PLB1: variants seen among roughly 807,000 people sequenced by gnomAD.
PLB1 encodes phospholipase B1, membrane-associated.
In PLB1, 242 loss-of-function variants were observed where a neutral mutation model predicts 227.4. The ratio of observed to expected loss-of-function variants is 1.06; its 90% CI spans 0.96 to 1.18. The LOEUF is 1.18. PLB1 is among the 50% of genes most tolerant of loss of function. The pLI is 0.00. For synonymous variants in PLB1, 757 were observed against 682.2 expected (o/e 1.11, Z -1.71); for missense variants, 1,858 against 1,816.3 (o/e 1.02, Z -0.42).
chr2:28,534,746 C>T (rs917726528), intron 9 of PLB1, among the ~76,000 whole-genome samples: 4 of 151,840 alleles, frequency 2.6e-5, no homozygotes, highest in Admixed American at 6.6e-5. Context: ...CCCAGCTACT[C>T]GGGAGGCTGA....
intron 53 of PLB1, among the ~76,000 whole-genome samples, chr2:28,630,022 C>T (rs1346657858): frequency 3.3e-5 from 5 of 152,194 alleles, no homozygotes; most frequent in Non-Finnish European, 5.9e-5. Flanking sequence ...GGAACGGCTC[C>T]TCCAGAGTCT....
At chr2:28,555,010 C>T (rs1486993838) in intron 17 of PLB1, among the ~76,000 whole-genome samples, 1 of 152,080 alleles carries the variant, frequency 6.6e-6, no homozygotes, top group African/African-American at 2.4e-5. Flanking sequence ...TCGCTCTCCA[C>T]CTGGAATCAG....
chr2:28,538,850 G>A (rs962547384), intron 10 of PLB1, among the ~76,000 whole-genome samples: 3 of 152,182 alleles, frequency 2.0e-5, no homozygotes, highest in Non-Finnish European at 4.4e-5. Context: ...CCTCCCCTGT[G>A]GACACTGGTG....
Position 28,598,642 on chromosome 2 carries a change from T to C in PLB1, c.2366-10T>C. 6.2e-7 allele frequency: 1 copy of C among 1,608,386 alleles called. No homozygotes were observed. The highest frequency in any genetic ancestry group is 8.5e-7 in the Non-Finnish European group (1 of 1,174,770). The stretch of plus-strand genomic sequence containing the variant: ...TGAGCCGTCTGCATCCCATTCACCT[T>C]CTCTTCCAGATATCCTTCGGGAGTT... On this transcript the variant is annotated splice_polypyrimidine_tract_variant and intron_variant, in intron 34 of 57. Coordinates refer to ENST00000327757, the MANE Select transcript of PLB1 (RefSeq NM_153021.5).
chr2:28,593,648 A>G, intron 32 of PLB1, 33 bp from the exon 33 acceptor site: 12 of 1,601,090 alleles, frequency 7.5e-6, no homozygotes, highest in Non-Finnish European at 1.0e-5. Context: ...CTGACTTGCT[A>G]ATTTTCCTAT....
rs1686901899 is a variant in PLB1 at position 28,620,600 on chromosome 2, C to T, written c.3384C>T (p.Ser1128=). The change falls in exon 48 of 58, where the codon AGC becomes AGT. Residue 1128 remains serine (S), a splice_region_variant and synonymous_variant. Coordinates refer to ENST00000327757, the MANE Select transcript of PLB1 (RefSeq NM_153021.5). ...AACAAATATGCTTTCTCCTCCCCAGCATTGGAGGGGATGGGAACTTGGAGA... is the reference window on the plus strand; with the variant it reads ...AACAAATATGCTTTCTCCTCCCCAGTATTGGAGGGGATGGGAACTTGGAGA... ...LPTSWRGLSW[S]IGGDGNLETH... The T allele has an allele frequency of 1.9e-6, 3 of 1,613,288 alleles. No individual in the cohort carries two copies. The highest frequency in any genetic ancestry group is 2.5e-6 in the Non-Finnish European group (3 of 1,179,726).
At chr2:28,590,633 C>T (rs1681744437) in intron 29 of PLB1, among the ~76,000 whole-genome samples, 1 of 152,090 alleles carries the variant, frequency 6.6e-6, no homozygotes, top group African/African-American at 2.4e-5. Flanking sequence ...AAGAATCCCT[C>T]TGTATACCCA....
rs1206765491 is a variant in PLB1, at chr2:28,636,035, G to A, written c.4098+2996G>A. On this transcript the variant is annotated intron_variant, in intron 56 of 57. Coordinates refer to ENST00000327757, the MANE Select transcript of PLB1 (RefSeq NM_153021.5). ...TATGTATGAATGTGTGTGTATGTGT[G>A]TGTGTGTATGTATGTGTATGTGTGT... Among the ~76,000 whole-genome samples, 296 of 151,520 alleles carry A rather than the reference G, an allele frequency of 2.0e-3. 1 individual carries two copies. The highest frequency in any genetic ancestry group is 6.0e-3 in the Admixed American group (91 of 15,192).
At chr2:28,507,165 C>T (rs897810607) in intron 1 of PLB1, among the ~76,000 whole-genome samples, 41 of 152,280 alleles carry the variant, frequency 2.7e-4, no homozygotes, top group African/African-American at 9.4e-4. Context: ...AACCTGCCAT[C>T]GTCAAGGTCT....
At chr2:28,581,350 T>A (rs950392431) in intron 23 of PLB1, among the ~76,000 whole-genome samples, 1 of 151,740 alleles carries the variant, frequency 6.6e-6, no homozygotes, top group African/African-American at 2.4e-5. Flanking sequence ...GATCGGGCCA[T>A]AGGACAGAGG....
chr2:28,581,636 A>G (rs1468281772), intron 23 of PLB1, among the ~76,000 whole-genome samples: 1 of 152,102 alleles, frequency 6.6e-6, no homozygotes, highest in African/African-American at 2.4e-5. Flanking sequence ...AAAGACAAAC[A>G]CTATTTCAAT....
intron 35 of PLB1, among the ~76,000 whole-genome samples, chr2:28,599,969 A>G (rs968725329): frequency 2.6e-5 from 4 of 152,176 alleles, no homozygotes; most frequent in African/African-American, 9.6e-5. Context: ...GTGCTATGGC[A>G]TGATCTCAGT....
At chr2:28,499,778 G>A (rs892111270) in intron 1 of PLB1, among the ~76,000 whole-genome samples, 1 of 152,122 alleles carries the variant, frequency 6.6e-6, no homozygotes, top group Non-Finnish European at 1.5e-5. Context: ...CCAGCTGTTC[G>A]GGAGGTTGAG....
At position 28,550,022 on chromosome 2, in the gene PLB1, C is replaced by G; in HGVS notation, c.1021C>G (p.Leu341Val). Residue 341 changes from leucine (L) to valine (V), a missense_variant, in exon 16 of 58, where the codon CTG (leucine) becomes GTG (valine). Physicochemically the swap from Leu to Val is conservative, Grantham distance 32. Transcript: ENST00000327757. ...CCTTTCCCTGCAGGAGAGCCCCTAT[C>G]TGTTCAGCTACAGAAACAGCAACTA... ...MKCPSQESPY[L>V]FSYRNSNYLT... 1.2e-6 allele frequency: 2 copies of G among 1,613,186 alleles called. No individual in the cohort carries two copies. Among genetic ancestry groups the G allele is most frequent in the Non-Finnish European group, 1.7e-6 (2 of 1,179,254 alleles).
intron 30 of PLB1, 116 bp downstream of exon 30, chr2:28,591,287 A>T: frequency 7.7e-7 from 1 of 1,291,808 alleles, no homozygotes; most frequent in African/African-American, 1.5e-5. Flanking sequence ...GATGGGCATA[A>T]AGGCCACCCA....
At chr2:28,593,103 A>T (rs902386308) in intron 32 of PLB1, among the ~76,000 whole-genome samples, 38 of 152,174 alleles carry the variant, frequency 2.5e-4, no homozygotes, top group African/African-American at 9.2e-4. Context: ...TTGCATCTGC[A>T]TGGAAAGCAG....
intron 14 of PLB1, among the ~76,000 whole-genome samples, chr2:28,544,347 G>A (rs2148212935): frequency 6.6e-6 from 1 of 152,306 alleles, no homozygotes; most frequent in African/African-American, 2.4e-5. Flanking sequence ...CCTCCAGCAG[G>A]GACTGCTCTC....
At chr2:28,632,601 A>T (rs1421160080) in intron 55 of PLB1, among the ~76,000 whole-genome samples, 2 of 152,048 alleles carry the variant, frequency 1.3e-5, no homozygotes, top group African/African-American at 4.8e-5. Flanking sequence ...AGCCTGGCCA[A>T]CATGGTGAAA....
chr2:28,499,876 C>A (rs1437216343), intron 1 of PLB1, among the ~76,000 whole-genome samples: 2 of 152,002 alleles, frequency 1.3e-5, no homozygotes, highest in Non-Finnish European at 2.9e-5. Flanking sequence ...CAGAGCCAGA[C>A]TCTGTCTCAA....
Sources: gnomAD v4.1 joint callset for allele counts (sites outside exome capture counted in the v4.1 genomes callset) on GRCh38, gnomAD v4.1.1 for gene constraint, MANE v1.5 for transcripts, NCBI Gene and HGNC (gene_info 2026-07-23, HGNC 2026-07-21) for gene names.